Variants in MARCHF1 observed in about 807,000 individuals in gnomAD.
MARCHF1 encodes E3 ubiquitin-protein ligase MARCHF1.
MARCHF1 carries 40 observed loss-of-function variants against 54.2 expected under a neutral mutation model. The observed-to-expected ratio is 0.74, with a 90% CI of 0.57 to 0.96. MARCHF1 has a LOEUF of 0.96. Among genes scored for constraint, MARCHF1 ranks in the 40% least tolerant of loss-of-function variants. MARCHF1 has a pLI of 0.00. For missense variants in MARCHF1, 586 were observed against 656.5 expected, an observed-to-expected ratio of 0.89 and a Z score of 1.17; for synonymous variants, 236 against 236.3, an observed-to-expected ratio of 1.00 and a Z score of 0.01.
chr4:164,241,427 C>T (rs368909057), intron 1 of MARCHF1, among the ~76,000 whole-genome samples: 45 of 152,254 alleles, frequency 3.0e-4, no homozygotes, highest in African/African-American at 1.0e-3. Context: ...GTCCTGAGTT[C>T]ACACCCTAGA....
chr4:163,796,006 T>A (rs1747903168), intron 4 of MARCHF1, among the ~76,000 whole-genome samples: 1 of 152,086 alleles, frequency 6.6e-6, no homozygotes, highest in South Asian at 2.1e-4. Flanking sequence ...TGGAAGTGAA[T>A]CATCATAAAC....
intron 3 of MARCHF1, among the ~76,000 whole-genome samples, chr4:163,986,410 G>A (rs1752871238): frequency 6.6e-6 from 1 of 151,404 alleles, no homozygotes; most frequent in Non-Finnish European, 1.5e-5. Flanking sequence ...GACCACAGGT[G>A]CCCACCACCA....
At chr4:163,836,869 A>G (rs1749202713) in intron 4 of MARCHF1, among the ~76,000 whole-genome samples, 1 of 151,798 alleles carries the variant, frequency 6.6e-6, no homozygotes, top group South Asian at 2.1e-4. Context: ...AGCCTCACAG[A>G]GTAACTGGAG....
At chr4:164,221,229 T>C (rs909270093) in intron 1 of MARCHF1, among the ~76,000 whole-genome samples, 2 of 152,082 alleles carry the variant, frequency 1.3e-5, no homozygotes, top group Non-Finnish European at 1.5e-5. Context: ...GTAATCTGTG[T>C]ACTATTGTTT....
intron 1 of MARCHF1, among the ~76,000 whole-genome samples, chr4:164,137,209 A>G (rs550072770): frequency 2.6e-5 from 4 of 152,232 alleles, no homozygotes; most frequent in South Asian, 2.1e-4. Context: ...TGTCATTGGT[A>G]TCTATCTTAT....
chr4:164,232,730 G>A (rs1732446928), intron 1 of MARCHF1, among the ~76,000 whole-genome samples: 2 of 152,104 alleles, frequency 1.3e-5, no homozygotes, highest in Non-Finnish European at 2.9e-5. Context: ...AATTGTGACA[G>A]TAAAATAAAT....
At chr4:164,314,575 C>A (rs1171370241) in intron 1 of MARCHF1, among the ~76,000 whole-genome samples, 1 of 152,104 alleles carries the variant, frequency 6.6e-6, no homozygotes. Flanking sequence ...CAAATTTTAA[C>A]CCTGGAAAAA....
intron 4 of MARCHF1, among the ~76,000 whole-genome samples, chr4:163,809,345 C>T (rs1451375073): frequency 1.3e-5 from 2 of 152,150 alleles, no homozygotes; most frequent in Non-Finnish European, 2.9e-5. Context: ...CCAGCTGAGA[C>T]CTCAACTTCT....
At chr4:164,272,853 C>T (rs984507498) in intron 1 of MARCHF1, among the ~76,000 whole-genome samples, 1 of 151,454 alleles carries the variant, frequency 6.6e-6, no homozygotes, top group Non-Finnish European at 1.5e-5. Context: ...TGATAAATAA[C>T]ATACAATAAA....
intron 4 of MARCHF1, among the ~76,000 whole-genome samples, chr4:163,719,326 T>C (rs1320788159): frequency 1.3e-5 from 2 of 152,136 alleles, no homozygotes; most frequent in African/African-American, 4.8e-5. Context: ...TGATGGTTTC[T>C]AGCTTCATCC....
intron 3 of MARCHF1, among the ~76,000 whole-genome samples, chr4:163,907,500 A>C (rs1281939645): frequency 2.0e-5 from 3 of 152,162 alleles, no homozygotes; most frequent in African/African-American, 7.2e-5. Flanking sequence ...ATGTAAACAA[A>C]GTAGCCAAGT....
intron 5 of MARCHF1, among the ~76,000 whole-genome samples, chr4:163,634,730 C>T (rs1446772506): frequency 6.7e-6 from 1 of 150,016 alleles, no homozygotes; most frequent in African/African-American, 2.5e-5. Context: ...TTGAGCTCAG[C>T]TCTGCACCAA....
chr4:163,741,772 T>C (rs1746203421), intron 4 of MARCHF1, among the ~76,000 whole-genome samples: 1 of 152,236 alleles, frequency 6.6e-6, no homozygotes, highest in African/African-American at 2.4e-5. Flanking sequence ...CTTTTTTATG[T>C]TATCTCTGTT....
intron 4 of MARCHF1, among the ~76,000 whole-genome samples, chr4:163,805,279 A>T (rs1361167093): frequency 6.6e-6 from 1 of 152,096 alleles, no homozygotes; most frequent in Non-Finnish European, 1.5e-5. Context: ...ATTTTTCTTT[A>T]TAAGAATGCC....
chr4:163,586,553 A>T (rs1405199764), intron 7 of MARCHF1, among the ~76,000 whole-genome samples: 1 of 152,224 alleles, frequency 6.6e-6, no homozygotes, highest in Non-Finnish European at 1.5e-5. Flanking sequence ...GCTGGACTCA[A>T]ATCATGTAAT....
intron 8 of MARCHF1, among the ~76,000 whole-genome samples, chr4:163,562,389 T>C (rs1030103870): frequency 3.3e-5 from 5 of 152,314 alleles, no homozygotes; most frequent in African/African-American, 1.2e-4. Context: ...TAAATGTATA[T>C]TTACTCTCAG....
At chr4:163,597,705 T>C (rs573490363) in intron 7 of MARCHF1, among the ~76,000 whole-genome samples, 23 of 152,348 alleles carry the variant, frequency 1.5e-4, no homozygotes, top group African/African-American at 5.3e-4. Context: ...TTTAGTTAAT[T>C]AATAGATTCA....
intron 3 of MARCHF1, among the ~76,000 whole-genome samples, chr4:163,859,302 G>A (rs927901639): frequency 5.3e-5 from 8 of 151,848 alleles, no homozygotes; most frequent in East Asian, 3.9e-4. Flanking sequence ...ATGAAGAAAC[G>A]GCACAATACA....
chr4:164,352,254 C>A (rs1319078986), intron 1 of MARCHF1, among the ~76,000 whole-genome samples: 14 of 108,240 alleles, frequency 1.3e-4, no homozygotes, highest in African/African-American at 4.3e-4. Flanking sequence ...TCAGGAAATA[C>A]AGAGAACGCC....
Sources: gnomAD v4.1 joint callset for allele counts (sites outside exome capture counted in the v4.1 genomes callset) on GRCh38, gnomAD v4.1.1 for gene constraint, MANE v1.5 for transcripts, NCBI Gene and HGNC (gene_info 2026-07-23, HGNC 2026-07-21) for gene names.